The following ADAM23 variants were observed in gnomAD, a reference collection of about 807,000 sequenced individuals.
ADAM23 encodes the protein disintegrin and metalloproteinase domain-containing protein 23.
ADAM23 carries 33 observed loss-of-function variants against 120.1 expected under a neutral mutation model. The observed-to-expected ratio is 0.27, with a 90% CI of 0.21 to 0.37. The LOEUF (loss-of-function observed/expected upper bound fraction) is 0.37. ADAM23 is among the 10% of genes least tolerant of loss of function. The pLI is 1.00. For missense variants in ADAM23, 862 were observed against 1,058.2 expected (o/e 0.81, Z 2.57); for synonymous variants, 367 against 375.2 (o/e 0.98, Z 0.25).
Position 206,444,055 on chromosome 2 carries a change from C to A in ADAM23, c.189C>A (p.Arg63=). The change falls in exon 1 of 26, where the codon CGC becomes CGA. Residue 63 remains arginine (R), a synonymous_variant. Coordinates refer to ENST00000264377, the MANE Select transcript of ADAM23 (RefSeq NM_003812.4). Reference sequence around the variant, plus strand: ...CGCTCGCCGCCTCGTCCCGGCCCCGCGCCTGGGGGGCTGCTGCGCCCAGCG... The same window carrying A: ...CGCTCGCCGCCTCGTCCCGGCCCCGAGCCTGGGGGGCTGCTGCGCCCAGCG... ...LPPLAASSRP[R]AWGAAAPSAP... 7.2e-7 allele frequency: 1 copy of A among 1,395,032 alleles called. No individual in the cohort carries two copies. Among genetic ancestry groups the A allele is most frequent in the Admixed American group, 2.6e-5 (1 of 38,316 alleles). 86.4% of individuals were successfully genotyped at this position (1,395,032 alleles called of 1,614,324 possible). A position where few individuals can be genotyped will look rare whatever the true frequency, so the allele number is the denominator to read the frequency against.
intron 3 of ADAM23, among the ~76,000 whole-genome samples, chr2:206,530,242 A>C (rs887727679): frequency 6.6e-6 from 1 of 152,238 alleles, no homozygotes; most frequent in Non-Finnish European, 1.5e-5. Flanking sequence ...TCATTTGTTT[A>C]CATACTGCCC....
At chr2:206,533,046 T>C (rs993836864) in intron 4 of ADAM23, among the ~76,000 whole-genome samples, 1 of 152,098 alleles carries the variant, frequency 6.6e-6, no homozygotes, top group Non-Finnish European at 1.5e-5. Context: ...TTTTAAAGCA[T>C]TTGTAAATAA....
At chr2:206,530,820 C>A (rs1574516270) in intron 3 of ADAM23, 65 bp from the exon 4 acceptor site, 1 of 1,439,798 alleles carries the variant, frequency 6.9e-7, no homozygotes, top group Non-Finnish European at 9.7e-7. Flanking sequence ...ATTTATTGAG[C>A]CGATTGTTTT....
chr2:206,588,466 G>A (rs906297018), intron 20 of ADAM23, among the ~76,000 whole-genome samples: 1 of 152,144 alleles, frequency 6.6e-6, no homozygotes, highest in East Asian at 1.9e-4. Context: ...GATTTATTTT[G>A]TACCTTGGTT....
intron 9 of ADAM23, among the ~76,000 whole-genome samples, chr2:206,555,488 A>C (rs550142951): frequency 6.6e-6 from 1 of 152,170 alleles, no homozygotes; most frequent in Non-Finnish European, 1.5e-5. Context: ...GCTTCCCAAC[A>C]GGTATCTCTG....
chr2:206,453,146 G>A (rs879769334), intron 2 of ADAM23, among the ~76,000 whole-genome samples: 2 of 152,168 alleles, frequency 1.3e-5, no homozygotes, highest in Non-Finnish European at 1.5e-5. Context: ...TCTCCTTTCA[G>A]CACTTTTCCA....
chr2:206,548,323 A>T lies in ADAM23; in HGVS notation c.836A>T (p.Gln279Leu). 5 of 1,611,530 alleles carry T rather than the reference A, an allele frequency of 3.1e-6. No homozygotes were observed. Among genetic ancestry groups the T allele is most frequent in the Non-Finnish European group, 4.2e-6 (5 of 1,179,962 alleles). ...CAGTGGCCCTTTCTCTCTGAATTAC[A>T]GTGGTTGAAAAGAAGGAAGAGAGCA... The part of the protein sequence containing the change: ...GDQWPFLSEL[Q>L]WLKRRKRAVN... The change falls in exon 8 of 26, where the codon CAG (glutamine) becomes CTG (leucine). Residue 279 changes from glutamine (Q) to leucine (L), a missense_variant. Transcript: ENST00000264377.
At chr2:206,528,226 A>G (rs1164206894) in intron 3 of ADAM23, among the ~76,000 whole-genome samples, 1 of 152,224 alleles carries the variant, frequency 6.6e-6, no homozygotes, top group Non-Finnish European at 1.5e-5. Context: ...CTGCAGAAGA[A>G]TGATACCATC....
intron 25 of ADAM23, among the ~76,000 whole-genome samples, chr2:206,611,649 A>G (rs1376910122): frequency 1.3e-5 from 2 of 152,214 alleles, no homozygotes; most frequent in African/African-American, 4.8e-5. Context: ...CCGTCTAGCC[A>G]TATGCAATGC....
intron 3 of ADAM23, among the ~76,000 whole-genome samples, chr2:206,499,096 C>G (rs973723509): frequency 6.6e-6 from 1 of 152,076 alleles, no homozygotes; most frequent in South Asian, 2.1e-4. Flanking sequence ...GATGATTCCT[C>G]AGGGATCTAG....
chr2:206,466,989 G>A (rs1695554098), intron 2 of ADAM23, among the ~76,000 whole-genome samples: 1 of 144,240 alleles, frequency 6.9e-6, no homozygotes, highest in African/African-American at 2.5e-5. Context: ...GCTCTCATGA[G>A]AACTCACTGT....
intron 24 of ADAM23, chr2:206,605,986 G>T: frequency 5.2e-6 from 3 of 580,962 alleles, no homozygotes; most frequent in South Asian, 4.2e-5. Context: ...GTTTCCTGTG[G>T]TAGTGCACCT....
intron 2 of ADAM23, among the ~76,000 whole-genome samples, chr2:206,471,266 G>C (rs921780857): frequency 1.3e-5 from 2 of 152,176 alleles, no homozygotes; most frequent in African/African-American, 4.8e-5. Flanking sequence ...TATAATTACT[G>C]TACCATAATT....
chr2:206,497,170 G>C (rs936836147), intron 3 of ADAM23, among the ~76,000 whole-genome samples: 1 of 152,160 alleles, frequency 6.6e-6, no homozygotes, highest in African/African-American at 2.4e-5. Flanking sequence ...GCATCATCCT[G>C]ATACCAAAGC....
chr2:206,564,166 A>T (rs1022678287), intron 13 of ADAM23, among the ~76,000 whole-genome samples: 2 of 152,010 alleles, frequency 1.3e-5, no homozygotes, highest in African/African-American at 4.8e-5. Context: ...ATATAGATAG[A>T]TGTATACCTC....
At chr2:206,519,080 G>C (rs1381684078) in intron 3 of ADAM23, among the ~76,000 whole-genome samples, 2 of 152,120 alleles carry the variant, frequency 1.3e-5, no homozygotes, top group African/African-American at 2.4e-5. Flanking sequence ...TTTTGTAAGG[G>C]AGAAGACTAG....
intron 13 of ADAM23, among the ~76,000 whole-genome samples, chr2:206,562,977 A>G (rs986729752): frequency 1.3e-5 from 2 of 152,228 alleles, no homozygotes; most frequent in African/African-American, 4.8e-5. Flanking sequence ...CTAGTGGGCA[A>G]AGGGTCTAGG....
chr2:206,585,222 C>T (rs1698299883), intron 18 of ADAM23, among the ~76,000 whole-genome samples: 1 of 152,130 alleles, frequency 6.6e-6, no homozygotes, highest in African/African-American at 2.4e-5. Flanking sequence ...CTAGTCCTGC[C>T]TCCTGTCCGC....
intron 24 of ADAM23, among the ~76,000 whole-genome samples, chr2:206,600,219 A>G (rs1298335799): frequency 6.6e-6 from 1 of 151,796 alleles, no homozygotes; most frequent in Non-Finnish European, 1.5e-5. Flanking sequence ...AAAACCAAAA[A>G]CTGCATGTTG....
Sources: gnomAD v4.1 joint callset for allele counts (sites outside exome capture counted in the v4.1 genomes callset) on GRCh38, gnomAD v4.1.1 for gene constraint, MANE v1.5 for transcripts, NCBI Gene and HGNC (gene_info 2026-07-23, HGNC 2026-07-21) for gene names.